The following SUGCT variants were observed in gnomAD, a reference collection of about 807,000 sequenced individuals.
SUGCT encodes the protein succinyl-CoA:glutarate-CoA transferase.
Under a neutral mutation model 55.0 loss-of-function variants are expected in SUGCT, and 41 were observed. The ratio of observed to expected loss-of-function variants is 0.74; its 90% CI spans 0.58 to 0.97. The LOEUF is 0.97. Ranked by LOEUF, SUGCT falls within the 50% of genes least tolerant of loss-of-function variation. The pLI, the probability that SUGCT is intolerant of heterozygous loss-of-function variation, is 0.00. For synonymous variants in SUGCT, 187 were observed against 200.4 expected (o/e 0.93, Z 0.56); for missense variants, 568 against 547.8 (o/e 1.04, Z -0.37).
chr7:40,512,472 T>A (rs1042149430), intron 12 of SUGCT, among the ~76,000 whole-genome samples: 1 of 152,228 alleles, frequency 6.6e-6, no homozygotes, highest in Non-Finnish European at 1.5e-5. Flanking sequence ...TTTTACACAG[T>A]TAGACAGACC....
At chr7:40,337,426 G>C (rs1032489006) in intron 9 of SUGCT, among the ~76,000 whole-genome samples, 3 of 152,110 alleles carry the variant, frequency 2.0e-5, no homozygotes, top group African/African-American at 7.2e-5. Flanking sequence ...ATGAATCTGG[G>C]TTCTCCTGTA....
At chr7:40,279,052 G>C (rs572829190) in intron 8 of SUGCT, among the ~76,000 whole-genome samples, 1 of 149,596 alleles carries the variant, frequency 6.7e-6, no homozygotes, top group Non-Finnish European at 1.5e-5. Context: ...GTCCAGGCTA[G>C]TCTTGAACTC....
intron 1 of SUGCT, 65 bp from the exon 2 acceptor site, chr7:40,180,882 G>A (rs1785157190): frequency 8.6e-7 from 1 of 1,169,332 alleles, no homozygotes; most frequent in Admixed American, 1.7e-5. Context: ...GCTTATAATG[G>A]TGTATGTGAA....
At chr7:41,004,905 T>C in the SUGCT span, among the ~76,000 whole-genome samples, 2 of 152,178 alleles carry the variant, frequency 1.3e-5, no homozygotes, top group African/African-American at 4.8e-5. Context: ...AGGAAGTTAA[T>C]GGAACTTAGA....
At chr7:40,849,184 T>G (rs1214403437) in intron 13 of SUGCT, among the ~76,000 whole-genome samples, 1 of 152,196 alleles carries the variant, frequency 6.6e-6, no homozygotes, top group African/African-American at 2.4e-5. Context: ...GATGTTCACT[T>G]TTATGTATTC....
intron 12 of SUGCT, among the ~76,000 whole-genome samples, chr7:40,587,301 A>G (rs1037102988): frequency 6.6e-6 from 1 of 152,244 alleles, no homozygotes; most frequent in Non-Finnish European, 1.5e-5. Flanking sequence ...TAAATTGCAC[A>G]TCAGTAAAGT....
At chr7:41,007,053 A>C in the SUGCT span, among the ~76,000 whole-genome samples, 6 of 152,078 alleles carry the variant, frequency 3.9e-5, no homozygotes, top group African/African-American at 1.4e-4. Flanking sequence ...TTCTGGAAAA[A>C]ATTTTCATTT....
At chr7:40,217,028 A>G (rs1584368097) in intron 6 of SUGCT, among the ~76,000 whole-genome samples, 1 of 151,812 alleles carries the variant, frequency 6.6e-6, no homozygotes, top group African/African-American at 2.4e-5. Context: ...TCAGTCTTAT[A>G]TTGAATGGCA....
rs1180878004 is a variant in SUGCT at position 40,416,484 on chromosome 7, G to T, written c.817-32803G>T. Among the ~76,000 whole-genome samples, 3 of 151,428 alleles carry T rather than the reference G, an allele frequency of 2.0e-5. No homozygotes were observed. The East Asian group carries it at 5.8e-4, about 29-fold the overall frequency. ...ACTTGGAATTCTTATTAGAAAATAT[G>T]CCTGCATTTTATCAAATTACTTTTA... is the stretch of plus-strand genomic sequence containing the variant. On this transcript the variant is annotated intron_variant, in intron 9 of 13. Coordinates refer to ENST00000335693, the MANE Select transcript of SUGCT (RefSeq NM_001193313.2).
At chr7:40,453,352 A>C (rs1400698572) in intron 10 of SUGCT, among the ~76,000 whole-genome samples, 1 of 152,166 alleles carries the variant, frequency 6.6e-6, no homozygotes. Flanking sequence ...GGGATAACTA[A>C]AGCAGGAGCC....
chr7:40,926,388 T>G, the SUGCT span, among the ~76,000 whole-genome samples: 2,096 of 152,076 alleles, frequency 0.014, 50 homozygotes, highest in African/African-American at 0.048. Context: ...GTTACTAGAT[T>G]CATAGATACT....
intron 9 of SUGCT, among the ~76,000 whole-genome samples, chr7:40,406,032 A>G (rs1297392737): frequency 6.6e-6 from 1 of 152,024 alleles, no homozygotes; most frequent in Non-Finnish European, 1.5e-5. Context: ...ATCATTCCTT[A>G]AATCAGCCTC....
At chr7:40,340,601 A>G (rs954771082) in intron 9 of SUGCT, among the ~76,000 whole-genome samples, 4 of 152,200 alleles carry the variant, frequency 2.6e-5, no homozygotes, top group Non-Finnish European at 5.9e-5. Flanking sequence ...AAGTAAAAGA[A>G]GCAAAAGTAG....
At chr7:40,871,754 G>A in the SUGCT span, among the ~76,000 whole-genome samples, 240 of 151,830 alleles carry the variant, frequency 1.6e-3, no homozygotes, top group Non-Finnish European at 3.0e-3. Flanking sequence ...TTGTCTGGAG[G>A]AGGCATTATG....
At chr7:40,207,779 A>G (rs1787069477) in intron 6 of SUGCT, among the ~76,000 whole-genome samples, 1 of 152,006 alleles carries the variant, frequency 6.6e-6, no homozygotes, top group South Asian at 2.1e-4. Flanking sequence ...ATTGTGCCAG[A>G]GCAAGACTCC....
chr7:40,243,585 GTGTC>G (rs765198201), intron 7 of SUGCT, among the ~76,000 whole-genome samples: 8 of 152,134 alleles, frequency 5.3e-5, no homozygotes, highest in South Asian at 2.1e-4. Flanking sequence ...TTGGGAGTGT[GTGTC>G]TGTCTGTGTG....
chr7:40,464,257 C>G (rs1156667066), intron 11 of SUGCT, among the ~76,000 whole-genome samples: 1 of 152,112 alleles, frequency 6.6e-6, no homozygotes. Flanking sequence ...AAAGATGAAG[C>G]CTGGGCTTTT....
intron 12 of SUGCT, among the ~76,000 whole-genome samples, chr7:40,614,250 C>G (rs1377750218): frequency 6.6e-6 from 1 of 152,062 alleles, no homozygotes; most frequent in Non-Finnish European, 1.5e-5. Context: ...GTGTCTATAG[C>G]CAACTTCCCC....
the SUGCT span, among the ~76,000 whole-genome samples, chr7:41,001,854 A>G: frequency 6.6e-6 from 1 of 152,358 alleles, no homozygotes; most frequent in East Asian, 1.9e-4. Flanking sequence ...TGTAGCCTCC[A>G]GGCAAGAATC....
Sources: gnomAD v4.1 joint callset for allele counts (sites outside exome capture counted in the v4.1 genomes callset) on GRCh38, gnomAD v4.1.1 for gene constraint, MANE v1.5 for transcripts, NCBI Gene and HGNC (gene_info 2026-07-23, HGNC 2026-07-21) for gene names.